The following CYP4F22 variants were observed in gnomAD, a reference collection of about 807,000 sequenced individuals.
CYP4F22 encodes the protein ultra-long-chain fatty acid omega-hydroxylase.
CYP4F22 carries 37 observed loss-of-function variants against 60.4 expected under a neutral mutation model. The observed-to-expected ratio is 0.61, with a 90% CI of 0.47 to 0.81. CYP4F22 has a LOEUF of 0.81. Among genes scored for constraint, CYP4F22 ranks in the 30% least tolerant of loss-of-function variants. CYP4F22 has a pLI of 0.00. For synonymous variants in CYP4F22, 258 were observed against 280.5 expected, an observed-to-expected ratio of 0.92 and a Z score of 0.80; for missense variants, 655 against 715.0, an observed-to-expected ratio of 0.92 and a Z score of 0.96.
intron 4 of CYP4F22, among the ~76,000 whole-genome samples, chr19:15,534,840 C>A (rs545908811): frequency 2.0e-5 from 3 of 152,178 alleles, no homozygotes; most frequent in African/African-American, 7.2e-5. Flanking sequence ...GATGGAAGGT[C>A]CTGCCAGTGC....
At chr19:15,541,922 C>T (rs1331282981) in intron 8 of CYP4F22, among the ~76,000 whole-genome samples, 1 of 151,434 alleles carries the variant, frequency 6.6e-6, no homozygotes, top group African/African-American at 2.4e-5. Flanking sequence ...AGATGAGACA[C>T]TTCTATGGTC....
intron 10 of CYP4F22, among the ~76,000 whole-genome samples, chr19:15,545,820 G>A (rs1165206095): frequency 1.3e-5 from 2 of 152,026 alleles, no homozygotes; most frequent in African/African-American, 4.8e-5. Context: ...ACTGTGTCCT[G>A]AACACTTTGC....
chr19:15,548,548 G>A (rs1448775839), intron 11 of CYP4F22, among the ~76,000 whole-genome samples: 4 of 152,158 alleles, frequency 2.6e-5, no homozygotes, highest in African/African-American at 9.7e-5. Flanking sequence ...CCCTGCCTTG[G>A]TTGATACAGG....
In CYP4F22 at chr19:15,525,485, A is replaced by T. The variant is rs372984405; in HGVS notation, c.149A>T (p.Tyr50Phe). 3.1e-6 allele frequency: 5 copies of T among 1,613,656 alleles called. No homozygotes were observed. The African/African-American group carries it at 5.3e-5, about 17-fold the overall frequency. The change falls in exon 3 of 14, where the codon TAC becomes TTC. Residue 50 changes from tyrosine (Y) to phenylalanine (F), a missense_variant. Transcript: ENST00000269703. ...TTCCTGAGGCTCTGCAGGAGCTTCT[A>T]CATCACCTGCCGCCGGCTGCGCTGC... is the stretch of plus-strand genomic sequence containing the variant. Reference protein sequence around the residue: ...LRFLRLCRSFYITCRRLRCFP... With the variant: ...LRFLRLCRSFFITCRRLRCFP...
chr19:15,525,600 A>G (rs1375281078), intron 3 of CYP4F22, 42 bp downstream of exon 3: 5 of 1,582,384 alleles, frequency 3.2e-6, no homozygotes, highest in Admixed American at 3.4e-5. Flanking sequence ...TGGGCTGGGC[A>G]TGTGCAGGGT....
At chr19:15,530,904 G>A (rs1322023879) in intron 4 of CYP4F22, among the ~76,000 whole-genome samples, 1 of 152,084 alleles carries the variant, frequency 6.6e-6, no homozygotes, top group African/African-American at 2.4e-5. Flanking sequence ...GGCACCTCCA[G>A]AGGTATCGGG....
intron 4 of CYP4F22, among the ~76,000 whole-genome samples, chr19:15,530,180 G>A (rs1971327544): frequency 6.6e-6 from 1 of 152,158 alleles, no homozygotes; most frequent in Non-Finnish European, 1.5e-5. Flanking sequence ...CCATCATTTG[G>A]TTCTGACATT....
chr19:15,525,405 G>A lies in CYP4F22; in HGVS notation c.69G>A (p.Ala23=), dbSNP rs372291886. The change falls in exon 3 of 14, where the codon GCG becomes GCA. Residue 23 remains alanine (A), a synonymous_variant. Transcript: ENST00000269703. ...AGAAGACGGCGTTCCGCATATACGC[G>A]GTGTCCACCCTTCTCCTCTTCCTGC... is the stretch of plus-strand genomic sequence containing the variant. ...GLEKTAFRIY[A]VSTLLLFLLF... The A allele has an allele frequency of 1.5e-5, 25 of 1,613,976 alleles. No individual in the cohort carries two copies. The East Asian group carries it at 2.0e-4, about 13-fold the overall frequency.
intron 4 of CYP4F22, among the ~76,000 whole-genome samples, chr19:15,531,454 C>T (rs191467716): frequency 1.2e-3 from 175 of 151,922 alleles, no homozygotes; most frequent in African/African-American, 4.0e-3. Flanking sequence ...TCTACAAACA[C>T]GCATCTGGGG....
At chr19:15,518,241 G>T (rs573872284) in intron 1 of CYP4F22, among the ~76,000 whole-genome samples, 1 of 152,170 alleles carries the variant, frequency 6.6e-6, no homozygotes, top group Non-Finnish European at 1.5e-5. Context: ...GGAAGCTGAG[G>T]TAGGAGGATC....
rs1433293471 is a variant in CYP4F22, at chr19:15,551,489, C to A, written c.*18C>A. 6 of 1,548,312 alleles carry A rather than the reference C, an allele frequency of 3.9e-6. No individual in the cohort carries two copies. Among genetic ancestry groups the A allele is most frequent in the Non-Finnish European group, 8.7e-7 (1 of 1,146,866 alleles). ...GGGCCTGAGCGTGGGCGCGCCCCTG[C>A]GGCTCCCGAGGGTCCAGGCCCCGCC... On this transcript the variant is annotated 3_prime_UTR_variant, in exon 14 of 14. Coordinates refer to ENST00000269703, the MANE Select transcript of CYP4F22 (RefSeq NM_173483.4).
At chr19:15,510,098 C>G (rs1302982776) in intron 1 of CYP4F22, among the ~76,000 whole-genome samples, 1 of 151,904 alleles carries the variant, frequency 6.6e-6, no homozygotes, top group African/African-American at 2.4e-5. Context: ...CCTCCTACCT[C>G]AGCCTCCTGA....
chr19:15,546,832 T>G (rs1971531622), intron 10 of CYP4F22, among the ~76,000 whole-genome samples: 1 of 151,754 alleles, frequency 6.6e-6, no homozygotes, highest in African/African-American at 2.4e-5. Context: ...CACTACAGCC[T>G]CCTGAGTAGC....
Position 15,537,981 on chromosome 19 carries a change from G to C in CYP4F22, c.659G>C (p.Ser220Thr), listed in dbSNP as rs371097842. 9.9e-5 allele frequency: 159 copies of C among 1,613,992 alleles called. 4 individuals are homozygous for C. Among genetic ancestry groups the C allele is most frequent in the East Asian group, 5.1e-4 (23 of 44,888 alleles). ...SLQKCVFSYNSNCQEKMSDYI... is the reference protein window; with the variant it reads ...SLQKCVFSYNTNCQEKMSDYI... ...CAGAAATGTGTCTTCAGCTACAACA[G>C]CAACTGCCAAGAGTGAGTGTGACCC... The change falls in exon 7 of 14, where the codon AGC becomes ACC. Residue 220 changes from serine (S) to threonine (T), a missense_variant. Ser to Thr is a moderately conservative substitution (Grantham distance 58). Transcript: ENST00000269703.
chr19:15,516,304 G>T (rs1971154550), intron 1 of CYP4F22, among the ~76,000 whole-genome samples: 1 of 152,130 alleles, frequency 6.6e-6, no homozygotes, highest in African/African-American at 2.4e-5. Context: ...AAATATTATT[G>T]CTTTTCTAAG....
At chr19:15,549,279 G>A in intron 12 of CYP4F22, 77 bp downstream of exon 12, 2 of 1,498,362 alleles carry the variant, frequency 1.3e-6, no homozygotes, top group South Asian at 1.1e-5. Flanking sequence ...GAGCAGGGCT[G>A]GTTGCAGGGC....
intron 8 of CYP4F22, among the ~76,000 whole-genome samples, chr19:15,541,846 C>T (rs925889926): frequency 7.0e-6 from 1 of 143,458 alleles, no homozygotes; most frequent in Non-Finnish European, 1.5e-5. Flanking sequence ...TGCCATTGCA[C>T]TCAAGTGAAA....
intron 1 of CYP4F22, among the ~76,000 whole-genome samples, chr19:15,513,527 G>A (rs1971119185): frequency 6.6e-6 from 1 of 151,828 alleles, no homozygotes; most frequent in Non-Finnish European, 1.5e-5. Flanking sequence ...ACCTCGCCCG[G>A]CTAATTTTTT....
At chr19:15,541,559 T>C (rs910422957) in intron 8 of CYP4F22, among the ~76,000 whole-genome samples, 3 of 152,070 alleles carry the variant, frequency 2.0e-5, no homozygotes, top group Non-Finnish European at 4.4e-5. Context: ...AGGGAACCAT[T>C]CAGCTCATCA....
Sources: gnomAD v4.1 joint callset for allele counts (sites outside exome capture counted in the v4.1 genomes callset) on GRCh38, gnomAD v4.1.1 for gene constraint, MANE v1.5 for transcripts, NCBI Gene and HGNC (gene_info 2026-07-23, HGNC 2026-07-21) for gene names.